The following MYO16 variants were observed in gnomAD, a reference collection of about 807,000 sequenced individuals.
MYO16 encodes the protein myosin XVI, also known as unconventional myosin-XVI.
MYO16 carries 94 observed loss-of-function variants against 205.3 expected under a neutral mutation model. The observed-to-expected ratio is 0.46, with a 90% CI of 0.39 to 0.54. The LOEUF (loss-of-function observed/expected upper bound fraction) is 0.54, where lower values mean the gene tolerates loss of function less well. Ranked by LOEUF, MYO16 falls within the 20% of genes least tolerant of loss-of-function variation. MYO16 has a pLI of 0.00. For synonymous variants in MYO16, 988 were observed against 954.0 expected, an observed-to-expected ratio of 1.04 and a Z score of -0.66; for missense variants, 2,315 against 2,387.5, an observed-to-expected ratio of 0.97 and a Z score of 0.63.
intron 3 of MYO16, 69 bp from the exon 4 acceptor site, chr13:108,727,371 G>T (rs754576120): frequency 5.4e-6 from 8 of 1,490,426 alleles, no homozygotes; most frequent in Admixed American, 2.1e-5. Context: ...TTTTAAATCT[G>T]TGGACATTTG....
intron 31 of MYO16, among the ~76,000 whole-genome samples, chr13:109,128,532 A>C (rs1441882192): frequency 6.6e-6 from 1 of 152,170 alleles, no homozygotes; most frequent in Non-Finnish European, 1.5e-5. Flanking sequence ...TGACACCAAG[A>C]AGATAATAGG....
chr13:108,844,436 G>A lies in MYO16; in HGVS notation c.1191G>A (p.Gln397=). 6.2e-7 allele frequency: 1 copy of A among 1,613,090 alleles called. No individual in the cohort carries two copies. The highest frequency in any genetic ancestry group is 8.5e-7 in the Non-Finnish European group (1 of 1,179,238). ...KDATKGLCKQ[Q]SQDSIPENPM... ...CAACAAAAGGTCTGTGTAAGCAGCA[G>A]TCTCAGGACAGCATCCCTGAAAACC... is the stretch of plus-strand genomic sequence containing the variant. Residue 397 remains glutamine, a synonymous_variant, in exon 10 of 35, where the codon CAG becomes CAA. Coordinates refer to ENST00000457511, the MANE Select transcript of MYO16 (RefSeq NM_001198950.3).
At chr13:109,124,523 A>G (rs1406460959) in intron 29 of MYO16, among the ~76,000 whole-genome samples, 1 of 152,184 alleles carries the variant, frequency 6.6e-6, no homozygotes, top group Non-Finnish European at 1.5e-5. Context: ...TTACTGACAT[A>G]TTGATTTCAA....
intron 11 of MYO16, among the ~76,000 whole-genome samples, chr13:108,857,930 G>A (rs1157365786): frequency 6.6e-6 from 1 of 152,128 alleles, no homozygotes; most frequent in East Asian, 1.9e-4. Context: ...ATTTGCCACT[G>A]TGCGAGGCAC....
chr13:109,118,797 T>C (rs1875846597), intron 28 of MYO16, among the ~76,000 whole-genome samples: 1 of 151,630 alleles, frequency 6.6e-6, no homozygotes, highest in Non-Finnish European at 1.5e-5. Flanking sequence ...AAAAAGACTA[T>C]GAATTATGGA....
At chr13:109,086,943 G>A (rs1888451323) in intron 27 of MYO16, among the ~76,000 whole-genome samples, 1 of 152,148 alleles carries the variant, frequency 6.6e-6, no homozygotes. Context: ...AGAGTTAAAT[G>A]ACATTAAAAT....
At chr13:108,954,811 A>G (rs1883286349) in intron 16 of MYO16, among the ~76,000 whole-genome samples, 1 of 152,184 alleles carries the variant, frequency 6.6e-6, no homozygotes, top group Non-Finnish European at 1.5e-5. Flanking sequence ...CCCTCTGACC[A>G]TGGTAAGCCA....
intron 6 of MYO16, among the ~76,000 whole-genome samples, chr13:108,795,074 C>T (rs577211306): frequency 6.6e-6 from 1 of 151,958 alleles, no homozygotes; most frequent in Admixed American, 6.5e-5. Context: ...CTTAGAGTTA[C>T]GTTGTTATAG....
At chr13:109,131,834 G>A (rs941087506) in intron 31 of MYO16, among the ~76,000 whole-genome samples, 4 of 152,128 alleles carry the variant, frequency 2.6e-5, no homozygotes, top group African/African-American at 4.8e-5. Context: ...TCCCAAAGAC[G>A]GTTAACATTC....
intron 32 of MYO16, among the ~76,000 whole-genome samples, chr13:109,146,454 C>A (rs1877335099): frequency 6.6e-6 from 1 of 152,110 alleles, no homozygotes; most frequent in South Asian, 2.1e-4. Flanking sequence ...TGCCCATTTC[C>A]CTCCTCTGGC....
At chr13:108,700,180 A>G (rs1168661826) in intron 2 of MYO16, among the ~76,000 whole-genome samples, 1 of 151,976 alleles carries the variant, frequency 6.6e-6, no homozygotes, top group East Asian at 1.9e-4. Flanking sequence ...TAAAAATACA[A>G]AAATTAGCCG....
chr13:109,107,909 G>A (rs533299570), intron 28 of MYO16, among the ~76,000 whole-genome samples: 12 of 150,402 alleles, frequency 8.0e-5, no homozygotes, highest in South Asian at 6.3e-4. Context: ...ATACACACAC[G>A]CCATATACAT....
At chr13:108,960,389 G>A (rs1311998996) in intron 17 of MYO16, among the ~76,000 whole-genome samples, 1 of 151,814 alleles carries the variant, frequency 6.6e-6, no homozygotes, top group Non-Finnish European at 1.5e-5. Flanking sequence ...ACAAATTTAT[G>A]ATTTAGGGGT....
intron 20 of MYO16, among the ~76,000 whole-genome samples, chr13:108,971,377 A>G (rs1884005701): frequency 1.3e-5 from 2 of 149,154 alleles, no homozygotes; most frequent in Admixed American, 1.3e-4. Context: ...ATATATATAC[A>G]CATATAATCT....
intron 1 of MYO16, among the ~76,000 whole-genome samples, chr13:108,647,342 A>G (rs1880799255): frequency 6.6e-6 from 1 of 152,160 alleles, no homozygotes; most frequent in South Asian, 2.1e-4. Flanking sequence ...GAGCTGCTCT[A>G]GAAGCCTCCA....
At chr13:108,763,641 G>T (rs932913352) in intron 4 of MYO16, among the ~76,000 whole-genome samples, 1 of 152,126 alleles carries the variant, frequency 6.6e-6, no homozygotes, top group Non-Finnish European at 1.5e-5. Flanking sequence ...TACCATGAAA[G>T]CAAACACCAG....
intron 9 of MYO16, among the ~76,000 whole-genome samples, chr13:108,833,102 G>C (rs1425157780): frequency 6.6e-6 from 1 of 151,890 alleles, no homozygotes; most frequent in Non-Finnish European, 1.5e-5. Context: ...CCTTAAACAA[G>C]CTATTAAAAA....
At chr13:108,857,393 G>A (rs1337810496) in intron 11 of MYO16, among the ~76,000 whole-genome samples, 2 of 152,234 alleles carry the variant, frequency 1.3e-5, no homozygotes, top group African/African-American at 4.8e-5. Flanking sequence ...TGGTACACTA[G>A]TGTTCTAACG....
intron 16 of MYO16, among the ~76,000 whole-genome samples, chr13:108,917,830 G>GT (rs1342907850): frequency 1.2e-4 from 19 of 152,336 alleles, no homozygotes; most frequent in South Asian, 1.2e-3. Context: ...TTTGGCTGCT[G>GT]TGTTGGTTTT....
Sources: gnomAD v4.1 joint callset for allele counts (sites outside exome capture counted in the v4.1 genomes callset) on GRCh38, gnomAD v4.1.1 for gene constraint, MANE v1.5 for transcripts, NCBI Gene and HGNC (gene_info 2026-07-23, HGNC 2026-07-21) for gene names.